DAAM2: variants seen among roughly 807,000 people sequenced by gnomAD.
DAAM2 encodes dishevelled associated activator of morphogenesis 2.
DAAM2 carries 39 observed loss-of-function variants against 120.7 expected under a neutral mutation model. The observed-to-expected ratio is 0.32, with a 90% CI of 0.25 to 0.42. The LOEUF is 0.42. Among genes scored for constraint, DAAM2 ranks in the 10% least tolerant of loss-of-function variants. The probability of loss-of-function intolerance (pLI) is 1.00; values close to 1 mark genes in which losing one functional copy is unlikely to be tolerated. For missense variants in DAAM2, 1,283 were observed against 1,401.7 expected, an observed-to-expected ratio of 0.92 and a Z score of 1.35; for synonymous variants, 488 against 524.9, an observed-to-expected ratio of 0.93 and a Z score of 0.96.
At chr6:39,862,805 C>CAAAAAAAAAAA (rs60238956) in intron 3 of DAAM2, 1 of 50,634 alleles carries the variant, frequency 2.0e-5, no homozygotes, top group Non-Finnish European at 3.4e-5. Flanking sequence ...AACTCCATCT[C>CAAAAAAAAAAA]AAAAAAAAAA....
At chr6:39,898,793 C>T (rs1377053850) in intron 21 of DAAM2, 84 bp from the exon 22 acceptor site, 7 of 1,205,716 alleles carry the variant, frequency 5.8e-6, no homozygotes, top group Middle Eastern at 1.9e-4. Flanking sequence ...CTGTGCTTGG[C>T]TCTGCCCTCT....
chr6:39,898,575 AT>A (rs1766269504), intron 21 of DAAM2, among the ~76,000 whole-genome samples: 1 of 152,262 alleles, frequency 6.6e-6, no homozygotes, highest in Admixed American at 6.5e-5. Context: ...AGTAATAAAA[AT>A]AAATAGGTCT....
rs1332833982 is a variant in DAAM2 at position 39,904,672 on chromosome 6, C to CCAA, written c.*2637_*2639dup. ...TCTCCCTACTCCCATCCCATTTCCACCAACTGGGGAACTGTGACTATCTAT... is the reference window on the plus strand; with the variant it reads ...TCTCCCTACTCCCATCCCATTTCCACCAACAACTGGGGAACTGTGACTATCTAT... On this transcript the variant is annotated 3_prime_UTR_variant, in exon 25 of 25. Coordinates refer to ENST00000274867, the MANE Select transcript of DAAM2 (RefSeq NM_001201427.2). 4.4e-6 allele frequency: 2 copies of CCAA among 453,638 alleles called. No individual in the cohort carries two copies. Among genetic ancestry groups the CCAA allele is most frequent in the Non-Finnish European group, 8.8e-6 (2 of 226,734 alleles). The allele number at this position is 453,638 out of a possible 1,614,324, so 28.1% of individuals were successfully genotyped here.
chr6:39,868,277 A>C (rs1235396646), intron 6 of DAAM2: 1 of 235,062 alleles, frequency 4.3e-6, no homozygotes, highest in East Asian at 9.8e-5. Context: ...CATCCCTGGG[A>C]GCTTCAGCCA....
chr6:39,878,317 C>G lies in DAAM2; in HGVS notation c.1360+56C>G. 1 of 1,611,428 alleles carries G rather than the reference C, an allele frequency of 6.2e-7. No individual in the cohort carries two copies. The highest frequency in any genetic ancestry group is 2.2e-5 in the East Asian group (1 of 44,870). The stretch of plus-strand genomic sequence containing the variant: ...CTCCACATGCCCTTCCCCTGCCCAG[C>G]CCATAACTCCATGCCCTTCCAGGCA... On this transcript the variant is annotated intron_variant, in intron 12 of 24. Coordinates refer to ENST00000274867, the MANE Select transcript of DAAM2 (RefSeq NM_001201427.2). This position sits in a 1 kb window ranked among gnomAD's most constrained non-coding sequence, Gnocchi z 5.0.
At chr6:39,841,566 G>T (rs775172715) in intron 1 of DAAM2, among the ~76,000 whole-genome samples, 1 of 152,068 alleles carries the variant, frequency 6.6e-6, no homozygotes, top group Non-Finnish European at 1.5e-5. Context: ...ACTTGAGGAG[G>T]GAGAACTGAG....
chr6:39,817,384 C>G (rs1430266217), intron 1 of DAAM2, among the ~76,000 whole-genome samples: 1 of 152,188 alleles, frequency 6.6e-6, no homozygotes, highest in Non-Finnish European at 1.5e-5. Flanking sequence ...AGGTGTATTT[C>G]TTACTCATGT....
At chr6:39,845,871 T>C (rs2149263610) in intron 1 of DAAM2, among the ~76,000 whole-genome samples, 1 of 152,062 alleles carries the variant, frequency 6.6e-6, no homozygotes, top group East Asian at 1.9e-4. Flanking sequence ...CCTGTTCTTA[T>C]CCACCCAGGG....
At chr6:39,831,640 G>T (rs1011443072) in intron 1 of DAAM2, among the ~76,000 whole-genome samples, 1 of 150,806 alleles carries the variant, frequency 6.6e-6, no homozygotes, top group African/African-American at 2.4e-5. Flanking sequence ...ACAGTAAATG[G>T]GTGGGAAGGT....
chr6:39,825,444 T>TC (rs1562006551), intron 1 of DAAM2, among the ~76,000 whole-genome samples: 3 of 33,208 alleles, frequency 9.0e-5, no homozygotes, highest in Admixed American at 4.5e-4. Context: ...GGTCGGGGGG[T>TC]TGGTGGGGGG....
intron 17 of DAAM2, among the ~76,000 whole-genome samples, chr6:39,889,362 A>G (rs1468578841): frequency 6.6e-6 from 1 of 152,246 alleles, no homozygotes; most frequent in Non-Finnish European, 1.5e-5. Context: ...ACAGTCAACC[A>G]CAATAAGGGG....
Position 39,864,476 on chromosome 6 carries a change from A to G in DAAM2, c.302A>G (p.Tyr101Cys), listed in dbSNP as rs1764338905. ...AAGCTGGCAACCAGCTGGCCTGACT[A>G]TTACATCGACCGCATCAATTCCATG... Reference protein sequence around the residue: ...PNKLATSWPDYYIDRINSMAA... With the variant: ...PNKLATSWPDCYIDRINSMAA... Residue 101 changes from tyrosine (Y) to cysteine (C), a missense_variant, in exon 4 of 25, where the codon TAT becomes TGT. Tyr to Cys is a radical substitution (Grantham distance 194). Around this residue, in one of 3 missense-constraint regions of DAAM2, gnomAD observed 197 missense variants for 189.3 expected, o/e 1.04. Coordinates refer to ENST00000274867, the MANE Select transcript of DAAM2 (RefSeq NM_001201427.2). 1.9e-6 allele frequency: 3 copies of G among 1,612,602 alleles called. No individual in the cohort carries two copies. Among genetic ancestry groups the G allele is most frequent in the Admixed American group, 1.7e-5 (1 of 59,952 alleles).
chr6:39,874,726 G>T (rs774041592), intron 10 of DAAM2, among the ~76,000 whole-genome samples: 2 of 152,198 alleles, frequency 1.3e-5, no homozygotes, highest in African/African-American at 4.8e-5. Context: ...ACTATCATTA[G>T]AGGGGATGAG....
intron 1 of DAAM2, chr6:39,848,495 T>G (rs1763682354): frequency 6.6e-6 from 1 of 152,124 alleles, no homozygotes; most frequent in South Asian, 2.1e-4. Flanking sequence ...CCCCCAAGTT[T>G]GAGAAATGCC....
chr6:39,800,744 C>T (rs1761838059), intron 1 of DAAM2, among the ~76,000 whole-genome samples: 1 of 152,230 alleles, frequency 6.6e-6, no homozygotes, highest in Non-Finnish European at 1.5e-5. Context: ...CCCTCTGCCG[C>T]AATGTGGGAC....
intron 8 of DAAM2, 66 bp downstream of exon 8, chr6:39,870,509 G>A: frequency 9.6e-7 from 1 of 1,044,390 alleles, no homozygotes. Flanking sequence ...GGGATAGTTG[G>A]GACCTTTGTG....
chr6:39,848,802 C>G (rs1166588160), intron 1 of DAAM2: 1 of 152,222 alleles, frequency 6.6e-6, no homozygotes, highest in African/African-American at 2.4e-5. Flanking sequence ...ACAAGTCAGT[C>G]AAATTGTTCA....
At chr6:39,863,780 G>C (rs1376431813) in intron 3 of DAAM2, among the ~76,000 whole-genome samples, 1 of 152,284 alleles carries the variant, frequency 6.6e-6, no homozygotes. Context: ...AGAGGTCCTC[G>C]GATCTGGGCT....
At chr6:39,801,674 C>G (rs1009818899) in intron 1 of DAAM2, among the ~76,000 whole-genome samples, 2 of 152,240 alleles carry the variant, frequency 1.3e-5, no homozygotes, top group Admixed American at 1.3e-4. Context: ...GTGCTTTGAA[C>G]ATTCCGCCTT....
Sources: gnomAD v4.1 joint callset for allele counts (sites outside exome capture counted in the v4.1 genomes callset) on GRCh38, gnomAD v4.1.1 for gene constraint, gnomAD v4.1.1 regional missense constraint, Gnocchi (gnomAD v3.1) non-coding constraint, MANE v1.5 for transcripts, NCBI Gene and HGNC (gene_info 2026-07-23, HGNC 2026-07-21) for gene names.